PRDM16: variants seen among roughly 807,000 people sequenced by gnomAD.
The protein encoded by PRDM16 is histone-lysine N-methyltransferase PRDM16.
In PRDM16, 23 loss-of-function variants were observed where a neutral mutation model predicts 110.6. The ratio of observed to expected loss-of-function variants is 0.21; its 90% confidence interval spans 0.15 to 0.29. The LOEUF is 0.29. Ranked by LOEUF, PRDM16 falls within the 10% of genes least tolerant of loss-of-function variation. The pLI, the probability that PRDM16 is intolerant of heterozygous loss-of-function variation, is 1.00. For synonymous variants in PRDM16, 799 were observed against 781.8 expected (o/e 1.02, Z -0.37); for missense variants, 1,615 against 1,794.3 (o/e 0.90, Z 1.81).
intron 1 of PRDM16, among the ~76,000 whole-genome samples, chr1:3,112,354 C>T (rs1429093288): frequency 6.6e-6 from 1 of 152,202 alleles, no homozygotes; most frequent in Non-Finnish European, 1.5e-5. Flanking sequence ...ATCGTGGGCC[C>T]CGGGAACCGG....
At chr1:3,333,703 G>C (rs1157827046) in intron 3 of PRDM16, among the ~76,000 whole-genome samples, 1 of 152,196 alleles carries the variant, frequency 6.6e-6, no homozygotes, top group Admixed American at 6.5e-5. Context: ...TGTGATGCCT[G>C]ATTTTGGAGG....
chr1:3,297,573 T>C (rs557076842), intron 3 of PRDM16, among the ~76,000 whole-genome samples: 1 of 152,212 alleles, frequency 6.6e-6, no homozygotes, highest in South Asian at 2.1e-4. Context: ...TGCGAACCAC[T>C]GCGCCCGGCC....
intron 1 of PRDM16, among the ~76,000 whole-genome samples, chr1:3,152,547 G>A (rs1024776142): frequency 2.6e-5 from 4 of 152,214 alleles, no homozygotes; most frequent in Non-Finnish European, 5.9e-5. Context: ...GCTTGGAGGG[G>A]TTCTGACCTC....
At chr1:3,231,625 A>G (rs1018451326) in intron 2 of PRDM16, among the ~76,000 whole-genome samples, 4 of 152,236 alleles carry the variant, frequency 2.6e-5, no homozygotes, top group Non-Finnish European at 4.4e-5. Context: ...AGAAGGAAGG[A>G]AGGTCGGAGG....
chr1:3,429,974 C>T (rs1049852314), intron 14 of PRDM16, among the ~76,000 whole-genome samples: 2 of 152,212 alleles, frequency 1.3e-5, no homozygotes, highest in African/African-American at 2.4e-5. Context: ...GGAGGCAGTG[C>T]CCCCGGGCGG....
At chr1:3,410,398 G>A (rs1372943303) in intron 8 of PRDM16, among the ~76,000 whole-genome samples, 1 of 152,168 alleles carries the variant, frequency 6.6e-6, no homozygotes, top group East Asian at 1.9e-4. Context: ...CCCAGTCTGA[G>A]GAGGTTCCCA....
chr1:3,083,618 A>C (rs953793519), intron 1 of PRDM16, among the ~76,000 whole-genome samples: 2 of 132,324 alleles, frequency 1.5e-5, no homozygotes, highest in African/African-American at 2.8e-5. Flanking sequence ...TGTCAGCTTC[A>C]TGCTGGGTGG....
At chr1:3,171,913 G>C (rs112341660) in intron 1 of PRDM16, among the ~76,000 whole-genome samples, 7,970 of 152,176 alleles carry the variant, frequency 0.052, 232 homozygotes, top group Admixed American at 0.072. Flanking sequence ...GCAGCGAGCC[G>C]AGCTCCAGGT....
At chr1:3,117,743 C>G (rs542896994) in intron 1 of PRDM16, among the ~76,000 whole-genome samples, 1 of 152,092 alleles carries the variant, frequency 6.6e-6, no homozygotes, top group Non-Finnish European at 1.5e-5. Context: ...GCCACAGGCC[C>G]GGGCCCGCCT....
In PRDM16 at chr1:3,359,231, G is replaced by A. The variant is rs1252843815; in HGVS notation, c.439-25921G>A. 6.6e-6 allele frequency among the ~76,000 whole-genome samples: 1 copy of A among 152,042 alleles called. No individual in the cohort carries two copies. Among genetic ancestry groups the A allele is most frequent in the East Asian group, 1.9e-4 (1 of 5,164 alleles). ...ATATGTCCATTTTGTGTTGACTTGG[G>A]GTCTCACTATGTTCCCCAGGCTTAT... is the stretch of plus-strand genomic sequence containing the variant. On this transcript the variant is annotated intron_variant, in intron 3 of 16. Coordinates refer to ENST00000270722, the MANE Select transcript of PRDM16 (RefSeq NM_022114.4). The surrounding 1 kb of genome is among the most constrained non-coding windows in gnomAD (Gnocchi z 4.3).
At chr1:3,314,542 T>C (rs565810163) in intron 3 of PRDM16, among the ~76,000 whole-genome samples, 1 of 152,106 alleles carries the variant, frequency 6.6e-6, no homozygotes, top group African/African-American at 2.4e-5. Context: ...AGGAGCAAAC[T>C]TCATCTGCCA....
chr1:3,228,469 C>T (rs867339024), intron 2 of PRDM16, among the ~76,000 whole-genome samples: 5 of 152,316 alleles, frequency 3.3e-5, no homozygotes, highest in East Asian at 1.9e-4. Context: ...CTCAGAGTAA[C>T]GCTGTTGGTC....
At chr1:3,182,281 C>A (rs919355392) in intron 1 of PRDM16, among the ~76,000 whole-genome samples, 1 of 152,244 alleles carries the variant, frequency 6.6e-6, no homozygotes, top group Non-Finnish European at 1.5e-5. Flanking sequence ...GCTCGGCGCT[C>A]GGGCTGCGGG....
rs745909907 is a variant in PRDM16 at position 3,201,213 on chromosome 1, A to T, written c.387+14739A>T. On this transcript the variant is annotated intron_variant, in intron 2 of 16. Transcript: ENST00000270722. The surrounding 1 kb of genome is among the most constrained non-coding windows in gnomAD (Gnocchi z 4.1). ...GCTGCATTTTGATAAAAGCCTTCAA[A>T]CTCCATTCATATGATCATAGGAGCT... Among the ~76,000 whole-genome samples the T allele has an allele frequency of 4.6e-5, 7 of 152,160 alleles. No individual in the cohort carries two copies. Among genetic ancestry groups the T allele is most frequent in the Non-Finnish European group, 8.8e-5 (6 of 68,014 alleles).
At chr1:3,237,747 C>A (rs1639570483) in intron 2 of PRDM16, among the ~76,000 whole-genome samples, 1 of 152,140 alleles carries the variant, frequency 6.6e-6, no homozygotes, top group South Asian at 2.1e-4. Context: ...GGCGGGGCTG[C>A]CAGCGAACAG....
chr1:3,272,855 G>A (rs1255973091), intron 3 of PRDM16, among the ~76,000 whole-genome samples: 1 of 152,210 alleles, frequency 6.6e-6, no homozygotes, highest in East Asian at 1.9e-4. Flanking sequence ...CTGTGCCGAT[G>A]AAGGGGACAC....
intron 3 of PRDM16, among the ~76,000 whole-genome samples, chr1:3,374,510 G>A (rs574769085): frequency 2.0e-5 from 3 of 152,322 alleles, no homozygotes; most frequent in Non-Finnish European, 4.4e-5. Flanking sequence ...CTCCCCCACC[G>A]GCCCCGCACA....
chr1:3,169,618 G>A (rs891743565), intron 1 of PRDM16, among the ~76,000 whole-genome samples: 1 of 152,178 alleles, frequency 6.6e-6, no homozygotes, highest in African/African-American at 2.4e-5. Context: ...CCTCAACAAA[G>A]AGGCTGACAG....
chr1:3,196,011 C>T (rs890548026), intron 2 of PRDM16, among the ~76,000 whole-genome samples: 12 of 152,196 alleles, frequency 7.9e-5, no homozygotes, highest in Admixed American at 3.9e-4. Flanking sequence ...CAGGGGAACC[C>T]GGGGCTGAGA....
Sources: allele counts gnomAD v4.1 joint callset (sites outside exome capture counted in the v4.1 genomes callset), GRCh38; gene constraint gnomAD v4.1.1; non-coding constraint Gnocchi (gnomAD v3.1); transcripts MANE v1.5; gene names NCBI Gene and HGNC (gene_info 2026-07-23, HGNC 2026-07-21).